SYT14: variants seen among roughly 807,000 people sequenced by gnomAD.
SYT14 encodes synaptotagmin 14.
SYT14 carries 32 observed loss-of-function variants against 74.2 expected under a neutral mutation model. The observed-to-expected ratio is 0.43, with a 90% CI of 0.33 to 0.58. The LOEUF is 0.58. Among genes scored for constraint, SYT14 ranks in the 20% least tolerant of loss-of-function variants. The pLI, the probability that SYT14 is intolerant of heterozygous loss-of-function variation, is 0.05. For missense variants in SYT14, 791 were observed against 981.8 expected (o/e 0.81, Z 2.60); for synonymous variants, 298 against 337.7 (o/e 0.88, Z 1.29).
At chr1:209,962,216 C>T (rs2079085899) in intron 2 of SYT14, among the ~76,000 whole-genome samples, 1 of 151,174 alleles carries the variant, frequency 6.6e-6, no homozygotes, top group Non-Finnish European at 1.5e-5. Flanking sequence ...TAATATGATT[C>T]TCTTATTTAT....
At chr1:210,151,459 G>A (rs961384544) in intron 7 of SYT14, among the ~76,000 whole-genome samples, 3 of 149,922 alleles carry the variant, frequency 2.0e-5, no homozygotes, top group Non-Finnish European at 4.4e-5. Context: ...GGGTCAAGTG[G>A]TTCTCTTCTG....
intron 2 of SYT14, among the ~76,000 whole-genome samples, chr1:209,999,757 A>G (rs1156539360): frequency 1.3e-5 from 2 of 152,140 alleles, no homozygotes; most frequent in Non-Finnish European, 1.5e-5. Flanking sequence ...AGAATGGTGT[A>G]TATGGTAAGG....
At chr1:209,979,653 G>A (rs1352454064) in intron 2 of SYT14, among the ~76,000 whole-genome samples, 2 of 151,996 alleles carry the variant, frequency 1.3e-5, no homozygotes, top group South Asian at 2.1e-4. Context: ...CCCACCATGG[G>A]TCCATATGTT....
chr1:209,994,774 A>G (rs1214299698), intron 2 of SYT14, among the ~76,000 whole-genome samples: 3 of 152,230 alleles, frequency 2.0e-5, no homozygotes, highest in Non-Finnish European at 4.4e-5. Flanking sequence ...GAACCTCATT[A>G]GGTTAGCAGC....
At chr1:209,988,385 C>T (rs2079607669) in intron 2 of SYT14, among the ~76,000 whole-genome samples, 1 of 151,952 alleles carries the variant, frequency 6.6e-6, no homozygotes, top group African/African-American at 2.4e-5. Flanking sequence ...TGTTAGTGTC[C>T]CTGTCTCCTA....
At chr1:210,061,409 T>C (rs1473426011) in intron 5 of SYT14, among the ~76,000 whole-genome samples, 1 of 152,002 alleles carries the variant, frequency 6.6e-6, no homozygotes, top group Non-Finnish European at 1.5e-5. Flanking sequence ...CAACTGTGTG[T>C]TACATTTCAA....
intron 7 of SYT14, among the ~76,000 whole-genome samples, chr1:210,125,702 C>T (rs112709295): frequency 3.4e-3 from 510 of 152,196 alleles, no homozygotes; most frequent in Non-Finnish European, 5.5e-3. Flanking sequence ...AAAGTGATTT[C>T]GTTTTCCTTC....
intron 5 of SYT14, among the ~76,000 whole-genome samples, chr1:210,075,018 A>T (rs1572254759): frequency 6.6e-6 from 1 of 152,296 alleles, no homozygotes; most frequent in East Asian, 1.9e-4. Flanking sequence ...GAGAATGAGT[A>T]CAAGGTTTTA....
chr1:210,042,905 G>A lies in SYT14; in HGVS notation c.1312+21651G>A, dbSNP rs112463908. ...TTCTGTGAAGAAAGTCAATGATAGC[G>A]TGATGAGGATAGCATTGAATCTATC... On this transcript the variant is annotated intron_variant, in intron 5 of 9. Transcript: ENST00000637265. Among the ~76,000 whole-genome samples, 493 of 152,244 alleles carry A rather than the reference G, an allele frequency of 3.2e-3. 5 individuals carry two copies. Among genetic ancestry groups the A allele is most frequent in the African/African-American group, 0.011 (469 of 41,546 alleles).
intron 5 of SYT14, among the ~76,000 whole-genome samples, chr1:210,090,673 C>T (rs952544946): frequency 6.6e-6 from 1 of 152,098 alleles, no homozygotes; most frequent in Non-Finnish European, 1.5e-5. Flanking sequence ...AGGGCATCAT[C>T]ACGTGGTGTT....
intron 5 of SYT14, among the ~76,000 whole-genome samples, chr1:210,059,621 T>C (rs994704118): frequency 6.6e-6 from 1 of 151,912 alleles, no homozygotes; most frequent in Non-Finnish European, 1.5e-5. Context: ...TCCCAGGGTG[T>C]GAATGCATTG....
chr1:210,087,429 A>G (rs2081758192), intron 5 of SYT14, among the ~76,000 whole-genome samples: 2 of 152,044 alleles, frequency 1.3e-5, no homozygotes, highest in Non-Finnish European at 2.9e-5. Context: ...TCATTCTCTG[A>G]CTGCACATTA....
At chr1:209,961,182 T>C (rs551320593) in intron 2 of SYT14, among the ~76,000 whole-genome samples, 8 of 152,296 alleles carry the variant, frequency 5.3e-5, no homozygotes, top group African/African-American at 1.9e-4. Flanking sequence ...CTTTTGGTAG[T>C]GTTTCAGTTA....
At chr1:210,093,347 G>T (rs2081910719) in intron 5 of SYT14, among the ~76,000 whole-genome samples, 1 of 151,854 alleles carries the variant, frequency 6.6e-6, no homozygotes, top group Non-Finnish European at 1.5e-5. Flanking sequence ...GAAAAGAGAT[G>T]CACAGTTCAT....
intron 7 of SYT14, among the ~76,000 whole-genome samples, chr1:210,137,649 T>C (rs1026754153): frequency 6.6e-6 from 1 of 151,768 alleles, no homozygotes; most frequent in Non-Finnish European, 1.5e-5. Context: ...CCAGAAATGC[T>C]CTGGGATTCT....
exon 8 of SYT14, chr1:210,155,849 A>G (rs375371117): frequency 6.2e-7 from 1 of 1,614,022 alleles, no homozygotes; most frequent in African/African-American, 1.3e-5. Context: ...CAACTGGAAG[A>G]CTATCAGCAG....
intron 5 of SYT14, among the ~76,000 whole-genome samples, chr1:210,070,038 G>A (rs1266250944): frequency 6.6e-6 from 1 of 152,048 alleles, no homozygotes; most frequent in Non-Finnish European, 1.5e-5. Flanking sequence ...AATGTAAAAT[G>A]TCTGCAAAAT....
At chr1:210,089,681 C>T (rs1198454071) in intron 5 of SYT14, among the ~76,000 whole-genome samples, 1 of 152,052 alleles carries the variant, frequency 6.6e-6, no homozygotes, top group East Asian at 1.9e-4. Flanking sequence ...CATTTTCTAG[C>T]TATATTTTTG....
intron 7 of SYT14, among the ~76,000 whole-genome samples, chr1:210,117,804 CAAG>C (rs2082388683): frequency 6.6e-6 from 1 of 152,088 alleles, no homozygotes; most frequent in African/African-American, 2.4e-5. Context: ...GGTCAAGTCT[CAAG>C]AAATTTTGAA....
Sources: gnomAD v4.1 joint callset for allele counts (sites outside exome capture counted in the v4.1 genomes callset) on GRCh38, gnomAD v4.1.1 for gene constraint, MANE v1.5 for transcripts, NCBI Gene and HGNC (gene_info 2026-07-23, HGNC 2026-07-21) for gene names.